Variants in GABRB3 observed in about 807,000 individuals in gnomAD.
GABRB3 encodes gamma-aminobutyric acid type A receptor subunit beta3, also known as gamma-aminobutyric acid receptor subunit beta-3.
In GABRB3, 14 loss-of-function variants were observed where a neutral mutation model predicts 52.1. That is an observed-to-expected ratio of 0.27 (90% CI 0.18 to 0.42). The LOEUF (loss-of-function observed/expected upper bound fraction) is 0.42. Among genes scored for constraint, GABRB3 ranks in the 10% least tolerant of loss-of-function variants. The pLI is 1.00. For missense variants in GABRB3, 307 were observed against 609.1 expected (o/e 0.50, Z 5.22); for synonymous variants, 260 against 232.3 (o/e 1.12, Z -1.08).
intron 3 of GABRB3, among the ~76,000 whole-genome samples, chr15:26,679,434 G>A (rs1186051567): frequency 9.9e-5 from 15 of 151,986 alleles, no homozygotes; most frequent in African/African-American, 2.4e-4. Flanking sequence ...ACTCTGATCC[G>A]GTCACACGCA....
In GABRB3 at chr15:26,609,386, G is replaced by A. The variant is rs79921208; in HGVS notation, c.461+11928C>T. Among the ~76,000 whole-genome samples the A allele has an allele frequency of 1.9e-3, 292 of 152,164 alleles. 6 individuals are homozygous for A. The East Asian group carries it at 0.037, about 19-fold the overall frequency. On this transcript the variant is annotated intron_variant, in intron 4 of 8. Coordinates refer to ENST00000311550, the MANE Select transcript of GABRB3 (RefSeq NM_000814.6). The stretch of plus-strand genomic sequence containing the variant: ...GTAATCTGTAAGCATATCTTCGAAC[G>A]TAGATTCATTATGTGAACAAACTAT...
intron 3 of GABRB3, among the ~76,000 whole-genome samples, chr15:26,680,772 G>C (rs539596111): frequency 6.6e-6 from 1 of 152,292 alleles, no homozygotes; most frequent in East Asian, 1.9e-4. Flanking sequence ...GTCATTAAGA[G>C]ATACACTACT....
intron 3 of GABRB3, among the ~76,000 whole-genome samples, chr15:26,714,900 A>T (rs1889418946): frequency 2.6e-5 from 4 of 152,238 alleles, no homozygotes; most frequent in Admixed American, 2.0e-4. Flanking sequence ...GGAGAACACT[A>T]AGTTCTCAGA....
At position 26,575,866 on chromosome 15, in the gene GABRB3, A is replaced by G. The variant is rs1039520272; in HGVS notation, c.682+4453T>C. Among the ~76,000 whole-genome samples the G allele has an allele frequency of 2.6e-5, 4 of 152,356 alleles. No homozygotes were observed. In the South Asian group the frequency reaches 8.3e-4, roughly 32 times the overall value. On this transcript the variant is annotated intron_variant, in intron 6 of 8. Coordinates refer to ENST00000311550, the MANE Select transcript of GABRB3 (RefSeq NM_000814.6). ...GAATATATCACTGTCCAAATGTACCAAAGAAAAAAGGAAGAGAAAGACAAA... is the reference window on the plus strand; with the variant it reads ...GAATATATCACTGTCCAAATGTACCGAAGAAAAAAGGAAGAGAAAGACAAA...
At chr15:26,724,365 C>A (rs965679995) in intron 3 of GABRB3, among the ~76,000 whole-genome samples, 1 of 152,108 alleles carries the variant, frequency 6.6e-6, no homozygotes, top group African/African-American at 2.4e-5. Flanking sequence ...GAGTTCTTGG[C>A]CATTATGGGA....
chr15:26,744,596 T>G (rs1033364374), intron 3 of GABRB3, among the ~76,000 whole-genome samples: 1 of 152,028 alleles, frequency 6.6e-6, no homozygotes, highest in Non-Finnish European at 1.5e-5. Flanking sequence ...TGGCTAATTT[T>G]TGTATTTTTA....
chr15:26,584,575 G>A (rs956978118), intron 4 of GABRB3, among the ~76,000 whole-genome samples: 1 of 152,026 alleles, frequency 6.6e-6, no homozygotes, highest in African/African-American at 2.4e-5. Flanking sequence ...GTTCTCTTGG[G>A]GCCAGCTAAA....
In GABRB3 at chr15:26,582,637, G is replaced by A. The variant is rs150101078; in HGVS notation, c.544+695C>T. On this transcript the variant is annotated intron_variant, in intron 5 of 8. Transcript: ENST00000311550. ...AATATGTTCATTCACAAAGACATTC[G>A]CTTCTTACCACAATTGTTTCAAGTG... Among the ~76,000 whole-genome samples the A allele has an allele frequency of 1.3e-3, 204 of 152,276 alleles. 5 individuals carry two copies. The East Asian group carries it at 0.035, about 26-fold the overall frequency.
At chr15:26,574,589 T>A (rs1463280094) in intron 6 of GABRB3, among the ~76,000 whole-genome samples, 4 of 152,158 alleles carry the variant, frequency 2.6e-5, no homozygotes, top group Non-Finnish European at 1.5e-5. Context: ...AAGTACTGAT[T>A]CATGGCACAA....
chr15:26,593,358 G>A (rs1891275040), intron 4 of GABRB3, among the ~76,000 whole-genome samples: 1 of 152,156 alleles, frequency 6.6e-6, no homozygotes, highest in Non-Finnish European at 1.5e-5. Flanking sequence ...TGATTTTTAA[G>A]TATATAATTC....
At chr15:26,612,684 A>C (rs1159053817) in intron 4 of GABRB3, 1 of 152,264 alleles carries the variant, frequency 6.6e-6, no homozygotes, top group East Asian at 1.9e-4. Context: ...TGCTCTTGCC[A>C]AAGTAGTGCT....
rs531261191 is a variant in GABRB3, at chr15:26,664,742, T to C, written c.241-43208A>G. Among the ~76,000 whole-genome samples, 59 of 148,718 alleles carry C rather than the reference T, an allele frequency of 4.0e-4. 1 individual carries two copies. In the Middle Eastern group the frequency reaches 0.021, roughly 53 times the overall value. On this transcript the variant is annotated intron_variant, in intron 3 of 8. Transcript: ENST00000311550. ...TTTTTTTGGTGGAGTTTCGCTCTTG[T>C]TGCTCAGGCTGGAGTGCAATGGTAC...
intron 3 of GABRB3, among the ~76,000 whole-genome samples, chr15:26,712,737 GC>G (rs1277226146): frequency 1.3e-5 from 2 of 152,146 alleles, no homozygotes; most frequent in Non-Finnish European, 1.5e-5. Flanking sequence ...GAAAGAAGAA[GC>G]CAGGGCCCTG....
intron 3 of GABRB3, among the ~76,000 whole-genome samples, chr15:26,751,070 T>G (rs1235157225): frequency 6.6e-6 from 1 of 152,210 alleles, no homozygotes; most frequent in East Asian, 1.9e-4. Flanking sequence ...TTTATAATCT[T>G]TCCAGATAAC....
chr15:26,673,446 C>G (rs1197782328), intron 3 of GABRB3, among the ~76,000 whole-genome samples: 1 of 152,196 alleles, frequency 6.6e-6, no homozygotes, highest in Non-Finnish European at 1.5e-5. Context: ...CGGACAATGT[C>G]AGCAGCTGTA....
chr15:26,572,763 T>C (rs1956645828), intron 6 of GABRB3, among the ~76,000 whole-genome samples: 1 of 152,180 alleles, frequency 6.6e-6, no homozygotes, highest in African/African-American at 2.4e-5. Flanking sequence ...GCTGAAGCCC[T>C]AATGTCTGTG....
At chr15:26,768,679 T>G (rs1010680380) in intron 3 of GABRB3, among the ~76,000 whole-genome samples, 1 of 152,064 alleles carries the variant, frequency 6.6e-6, no homozygotes, top group Non-Finnish European at 1.5e-5. Flanking sequence ...AAACTAAATC[T>G]CAATAATTAT....
chr15:26,661,876 TG>T (rs1310950464), intron 3 of GABRB3, among the ~76,000 whole-genome samples: 4 of 152,176 alleles, frequency 2.6e-5, no homozygotes, highest in Non-Finnish European at 5.9e-5. Flanking sequence ...GCTATGTGAG[TG>T]CTGAGCTATT....
intron 8 of GABRB3, among the ~76,000 whole-genome samples, chr15:26,558,847 A>AAGAAAG (rs1555401246): frequency 1.3e-5 from 2 of 151,846 alleles, no homozygotes; most frequent in African/African-American, 4.9e-5. Flanking sequence ...TCAAAAAAAA[A>AAGAAAG]AAAGAAAGAA....
Sources: allele counts gnomAD v4.1 joint callset (sites outside exome capture counted in the v4.1 genomes callset), GRCh38; gene constraint gnomAD v4.1.1; transcripts MANE v1.5; gene names NCBI Gene and HGNC (gene_info 2026-07-23, HGNC 2026-07-21).